Variants in IL1RAPL1 observed in about 807,000 individuals in gnomAD.
IL1RAPL1 encodes interleukin 1 receptor accessory protein like 1, also known as interleukin-1 receptor accessory protein-like 1.
In IL1RAPL1, 3 loss-of-function variants were observed where a neutral mutation model predicts 48.4. The observed-to-expected ratio is 0.06, with a 90% CI of 0.03 to 0.16. The LOEUF is 0.16. Ranked by LOEUF, IL1RAPL1 falls within the 10% of genes least tolerant of loss-of-function variation. The pLI is 1.00. For missense variants in IL1RAPL1, 349 were observed against 530.6 expected, an observed-to-expected ratio of 0.66 and a Z score of 3.36; for synonymous variants, 185 against 187.7, an observed-to-expected ratio of 0.99 and a Z score of 0.12.
intron 6 of IL1RAPL1, among the ~76,000 whole-genome samples, chrX:29,696,258 A>G (rs1356772841): frequency 9.0e-6 from 1 of 111,537 alleles, no homozygotes; most frequent in African/African-American, 3.3e-5. Context: ...TCATCCCAAA[A>G]CCCAGGTTGG....
chrX:28,785,110 C>G (rs1212839065), intron 1 of IL1RAPL1, among the ~76,000 whole-genome samples: 1 of 111,846 alleles, frequency 8.9e-6, no homozygotes, highest in East Asian at 2.8e-4. Context: ...TCATTAGCAT[C>G]TTAACTCTGA....
intron 2 of IL1RAPL1, among the ~76,000 whole-genome samples, chrX:29,252,214 A>T (rs1381093113): frequency 1.8e-5 from 2 of 112,236 alleles, no homozygotes; most frequent in African/African-American, 6.6e-5. Context: ...ATGTATACAT[A>T]TGTAACTAAC....
At chrX:29,059,521 AAT>A (rs1927295812) in intron 2 of IL1RAPL1, among the ~76,000 whole-genome samples, 1 of 111,926 alleles carries the variant, frequency 8.9e-6, no homozygotes, top group Non-Finnish European at 1.9e-5. Flanking sequence ...TTGAGAAAAT[AAT>A]AGAGTATTAC....
intron 2 of IL1RAPL1, among the ~76,000 whole-genome samples, chrX:29,137,264 A>T (rs1602074837): frequency 1.6e-5 from 1 of 62,470 alleles, no homozygotes; most frequent in African/African-American, 1.2e-4. Context: ...GCGCTCACAC[A>T]CACACACACA....
At chrX:28,767,715 ATG>A (rs35909020) in intron 1 of IL1RAPL1, among the ~76,000 whole-genome samples, 13,592 of 101,368 alleles carry the variant, frequency 0.13, 1,619 homozygotes, top group East Asian at 0.49. Flanking sequence ...AGCCTGGGGG[ATG>A]TGTGTGTGTG....
intron 6 of IL1RAPL1, among the ~76,000 whole-genome samples, chrX:29,809,392 C>T (rs1930332383): frequency 9.1e-6 from 1 of 110,148 alleles, no homozygotes; most frequent in Non-Finnish European, 1.9e-5. Context: ...CGTGAGCCAC[C>T]GTGCCCGGCC....
intron 5 of IL1RAPL1, among the ~76,000 whole-genome samples, chrX:29,612,442 A>G (rs144305233): frequency 0.082 from 9,052 of 110,717 alleles, 374 homozygotes; most frequent in Middle Eastern, 0.18. Flanking sequence ...TAGAACTACA[A>G]TGAAAGAGCA....
intron 2 of IL1RAPL1, among the ~76,000 whole-genome samples, chrX:29,062,342 A>G (rs149905481): frequency 0.016 from 1,786 of 112,483 alleles, 39 homozygotes; most frequent in African/African-American, 0.055. Flanking sequence ...TGAAATCAGA[A>G]TTTAATGTTA....
chrX:29,936,846 T>C (rs1028058671), intron 8 of IL1RAPL1, among the ~76,000 whole-genome samples: 2 of 111,614 alleles, frequency 1.8e-5, no homozygotes, highest in African/African-American at 6.5e-5. Flanking sequence ...TTTTAAGGGG[T>C]TGCTTGCTCC....
At chrX:28,796,003 G>A (rs1428848683) in intron 2 of IL1RAPL1, among the ~76,000 whole-genome samples, 1 of 111,726 alleles carries the variant, frequency 9.0e-6, no homozygotes, top group Non-Finnish European at 1.9e-5. Context: ...ATGGCGGAAG[G>A]CAAGGAGAAG....
At chrX:29,385,950 A>T (rs1182694346) in intron 3 of IL1RAPL1, among the ~76,000 whole-genome samples, 2 of 112,398 alleles carry the variant, frequency 1.8e-5, no homozygotes, top group Non-Finnish European at 3.8e-5. Flanking sequence ...ACATTCTACC[A>T]GTAATACACA....
chrX:29,928,863 A>G (rs1414888417), intron 8 of IL1RAPL1, among the ~76,000 whole-genome samples: 1 of 111,944 alleles, frequency 8.9e-6, no homozygotes, highest in Non-Finnish European at 1.9e-5. Flanking sequence ...GACGCATACA[A>G]AAATGCTAAC....
chrX:29,449,780 C>G (rs56216717), intron 5 of IL1RAPL1, among the ~76,000 whole-genome samples: 9,737 of 57,794 alleles, frequency 0.17, 1,054 homozygotes, highest in African/African-American at 0.36. Context: ...CACACACACA[C>G]AGAGAGAGAG....
At chrX:29,000,388 C>G (rs1322581012) in intron 2 of IL1RAPL1, among the ~76,000 whole-genome samples, 1 of 111,737 alleles carries the variant, frequency 8.9e-6, no homozygotes, top group Non-Finnish European at 1.9e-5. Flanking sequence ...CTTAGATGCT[C>G]TCTTTATTCT....
At chrX:29,190,110 T>A (rs1930323754) in intron 2 of IL1RAPL1, among the ~76,000 whole-genome samples, 1 of 111,831 alleles carries the variant, frequency 8.9e-6, no homozygotes, top group Non-Finnish European at 1.9e-5. Flanking sequence ...CCTTACAGTA[T>A]CATTGTAGGA....
chrX:28,845,626 A>T (rs1356111217), intron 2 of IL1RAPL1, among the ~76,000 whole-genome samples: 1 of 111,808 alleles, frequency 8.9e-6, no homozygotes, highest in Non-Finnish European at 1.9e-5. Context: ...CAGACAAGTA[A>T]CACATTTTTG....
At chrX:28,928,728 C>T (rs1174039812) in intron 2 of IL1RAPL1, among the ~76,000 whole-genome samples, 1 of 112,094 alleles carries the variant, frequency 8.9e-6, no homozygotes, top group Non-Finnish European at 1.9e-5. Flanking sequence ...CAGTCACTCT[C>T]AATCACTTCA....
intron 6 of IL1RAPL1, among the ~76,000 whole-genome samples, chrX:29,851,453 G>T (rs1325882555): frequency 8.9e-6 from 1 of 112,032 alleles, no homozygotes; most frequent in African/African-American, 3.2e-5. Context: ...TCAATTTCCA[G>T]AAGGCCACTG....
chrX:28,812,734 A>C (rs1936806573), intron 2 of IL1RAPL1, among the ~76,000 whole-genome samples: 1 of 111,041 alleles, frequency 9.0e-6, no homozygotes. Flanking sequence ...AAACAAATAA[A>C]ACAGATAACT....
Sources: allele counts gnomAD v4.1 joint callset (sites outside exome capture counted in the v4.1 genomes callset), GRCh38; gene constraint gnomAD v4.1.1; transcripts MANE v1.5; gene names NCBI Gene and HGNC (gene_info 2026-07-23, HGNC 2026-07-21).